Variants in RFT1 observed in about 807,000 individuals in gnomAD.
The protein encoded by RFT1 is man(5)GlcNAc(2)-PP-dolichol translocation protein RFT1.
In RFT1, 43 loss-of-function variants were observed where a neutral mutation model predicts 62.2. That is an observed-to-expected ratio of 0.69 (90% CI 0.54 to 0.89). The LOEUF (loss-of-function observed/expected upper bound fraction) is 0.89. Among genes scored for constraint, RFT1 ranks in the 40% least tolerant of loss-of-function variants. The probability of loss-of-function intolerance (pLI) is 0.00; values close to 1 mark genes in which losing one functional copy is unlikely to be tolerated. For synonymous variants in RFT1, 262 were observed against 264.6 expected (o/e 0.99, Z 0.10); for missense variants, 605 against 649.9 (o/e 0.93, Z 0.75).
chr3:53,130,316 G>C, intron 1 of RFT1, 22 bp downstream of exon 1: 1 of 1,560,898 alleles, frequency 6.4e-7, no homozygotes, highest in Non-Finnish European at 8.7e-7. Context: ...GTACAAGCTG[G>C]AACCTGAAGG....
the RFT1 span, among the ~76,000 whole-genome samples, chr3:53,078,938 C>T: frequency 1.3e-5 from 2 of 152,334 alleles, no homozygotes; most frequent in South Asian, 4.1e-4. Context: ...ATTATTAGAA[C>T]CTTCTGCAGA....
At chr3:53,098,723 A>G (rs1701220735) in intron 11 of RFT1, among the ~76,000 whole-genome samples, 1 of 144,088 alleles carries the variant, frequency 6.9e-6, no homozygotes, top group Non-Finnish European at 1.5e-5. Flanking sequence ...AATGGCGTGA[A>G]CCTGGGAGGC....
At chr3:53,108,032 C>A (rs1339428802) in intron 7 of RFT1, among the ~76,000 whole-genome samples, 1 of 152,148 alleles carries the variant, frequency 6.6e-6, no homozygotes, top group East Asian at 1.9e-4. Flanking sequence ...CCAGCTTCTG[C>A]AAATACAGTT....
chr3:53,079,708 G>A, the RFT1 span, among the ~76,000 whole-genome samples: 5 of 152,120 alleles, frequency 3.3e-5, no homozygotes, highest in African/African-American at 9.7e-5. Flanking sequence ...AACAGACCAC[G>A]ACTCTGTCAA....
At chr3:53,126,934 A>G (rs1026244299) in intron 1 of RFT1, among the ~76,000 whole-genome samples, 6 of 152,240 alleles carry the variant, frequency 3.9e-5, no homozygotes, top group African/African-American at 1.4e-4. Context: ...ATCTAAGCAT[A>G]TCAATGGACT....
intron 11 of RFT1, among the ~76,000 whole-genome samples, chr3:53,099,016 C>T (rs1701233930): frequency 6.6e-6 from 1 of 152,070 alleles, no homozygotes; most frequent in South Asian, 2.1e-4. Context: ...TGAAGAAGCT[C>T]CTCAGTAACT....
chr3:53,083,100 C>T, the RFT1 span, among the ~76,000 whole-genome samples: 7,694 of 147,800 alleles, frequency 0.052, 663 homozygotes, highest in African/African-American at 0.18. Context: ...ATTCGGCAGG[C>T]TGAGGCAGGA....
the RFT1 span, among the ~76,000 whole-genome samples, chr3:53,083,193 T>C: frequency 1.2e-5 from 1 of 81,248 alleles, no homozygotes; most frequent in Admixed American, 2.0e-4. Context: ...AGAGTGAGAT[T>C]CCATCTCAAA....
At chr3:53,098,426 T>C (rs7643322) in intron 11 of RFT1, among the ~76,000 whole-genome samples, 15 of 136,278 alleles carry the variant, frequency 1.1e-4, no homozygotes, top group African/African-American at 5.2e-4. Flanking sequence ...GGGTCCCCAT[T>C]TGAGACACTC....
At chr3:53,096,469 G>T (rs1284997707) in intron 11 of RFT1, among the ~76,000 whole-genome samples, 1 of 151,868 alleles carries the variant, frequency 6.6e-6, no homozygotes, top group African/African-American at 2.4e-5. Context: ...ATCACCTGAG[G>T]TCAGGAGTTC....
intron 12 of RFT1, 51 bp from the exon 13 acceptor site, chr3:53,092,121 C>T (rs1255102054): frequency 1.2e-6 from 2 of 1,607,228 alleles, no homozygotes; most frequent in Non-Finnish European, 8.5e-7. Flanking sequence ...ATACCTCCTT[C>T]CTCTGGGACC....
chr3:53,071,414 A>G, the RFT1 span, among the ~76,000 whole-genome samples: 1 of 152,210 alleles, frequency 6.6e-6, no homozygotes, highest in African/African-American at 2.4e-5. Flanking sequence ...GCTGGAGGAC[A>G]GGACTCTGCC....
chr3:53,087,392 C>T (rs756302321), downstream of RFT1, among the ~76,000 whole-genome samples: 4 of 152,200 alleles, frequency 2.6e-5, no homozygotes, highest in Non-Finnish European at 5.9e-5. Context: ...ATCCCAGAGG[C>T]CACACAGCAA....
intron 6 of RFT1, among the ~76,000 whole-genome samples, chr3:53,117,533 A>G (rs1429784952): frequency 6.6e-6 from 1 of 152,174 alleles, no homozygotes; most frequent in Admixed American, 6.5e-5. Context: ...CAGTATCACT[A>G]TGTGTGACAG....
At chr3:53,110,924 A>C (rs1701630107) in intron 7 of RFT1, among the ~76,000 whole-genome samples, 1 of 152,158 alleles carries the variant, frequency 6.6e-6, no homozygotes. Context: ...ACATACAAAA[A>C]CTAAATGTGC....
intron 11 of RFT1, among the ~76,000 whole-genome samples, chr3:53,098,538 C>G (rs375439133): frequency 4.6e-5 from 7 of 152,248 alleles, no homozygotes; most frequent in East Asian, 3.9e-4. Context: ...CACGGTGGCT[C>G]ATGCCTGTAA....
At chr3:53,076,105 C>A in the RFT1 span, among the ~76,000 whole-genome samples, 1 of 152,350 alleles carries the variant, frequency 6.6e-6, no homozygotes, top group African/African-American at 2.4e-5. Context: ...GCCCCTGCCC[C>A]ACACTGCAGA....
intron 10 of RFT1, among the ~76,000 whole-genome samples, chr3:53,101,168 C>T (rs1041993923): frequency 2.0e-5 from 3 of 152,184 alleles, no homozygotes; most frequent in South Asian, 4.1e-4. Context: ...AACAAAAAAC[C>T]GTTTTCCACG....
At chr3:53,120,813 A>C (rs1701948047) in intron 5 of RFT1, among the ~76,000 whole-genome samples, 1 of 152,164 alleles carries the variant, frequency 6.6e-6, no homozygotes, top group African/African-American at 2.4e-5. Flanking sequence ...GGCAAGGAAA[A>C]AGAAGAGTCT....
Sources: gnomAD v4.1 joint callset for allele counts (sites outside exome capture counted in the v4.1 genomes callset) on GRCh38, gnomAD v4.1.1 for gene constraint, MANE v1.5 for transcripts, NCBI Gene and HGNC (gene_info 2026-07-23, HGNC 2026-07-21) for gene names.